Variants in PLPP1 observed in about 807,000 individuals in gnomAD.
PLPP1 encodes lipid phosphate phosphohydrolase 1a.
A neutral mutation model predicts 31.2 loss-of-function variants in PLPP1; 24 were observed. The observed-to-expected ratio is 0.77, with a 90% confidence interval of 0.56 to 1.08. The LOEUF (loss-of-function observed/expected upper bound fraction) is 1.08, where lower values mean the gene tolerates loss of function less well. PLPP1 is among the 50% of genes least tolerant of loss of function. The pLI is 0.00. For missense variants in PLPP1, 319 were observed against 342.7 expected, an observed-to-expected ratio of 0.93 and a Z score of 0.55; for synonymous variants, 146 against 126.3, an observed-to-expected ratio of 1.16 and a Z score of -1.05.
chr5:55,524,466 A>AT (rs1753738831), intron 1 of PLPP1, among the ~76,000 whole-genome samples: 1 of 152,208 alleles, frequency 6.6e-6, no homozygotes, highest in Non-Finnish European at 1.5e-5. Context: ...AGCAATTCAA[A>AT]TAACAGAATT....
chr5:55,474,231 A>T (rs1198779033), intron 2 of PLPP1, among the ~76,000 whole-genome samples: 1 of 152,022 alleles, frequency 6.6e-6, no homozygotes, highest in Non-Finnish European at 1.5e-5. Flanking sequence ...TCCTGATCTC[A>T]GGTGATCTGC....
chr5:55,457,694 G>T (rs535672809), intron 3 of PLPP1, among the ~76,000 whole-genome samples: 16 of 152,234 alleles, frequency 1.1e-4, no homozygotes, highest in Non-Finnish European at 1.6e-4. Flanking sequence ...TTCGAGACCA[G>T]CCTGGCCAAT....
At chr5:55,445,039 C>G (rs539089212) in intron 3 of PLPP1, among the ~76,000 whole-genome samples, 1 of 152,052 alleles carries the variant, frequency 6.6e-6, no homozygotes. Context: ...CGTGAGCCAC[C>G]GCGCCTAGCC....
intron 3 of PLPP1, among the ~76,000 whole-genome samples, chr5:55,458,887 CAAAAAAAAAAAAAAAAAAAAA>C (rs529067608): frequency 4.7e-5 from 1 of 21,098 alleles, no homozygotes; most frequent in Non-Finnish European, 1.4e-4. Context: ...ACCCTGTCTC[CAAAAAAAAAAAAAAAAAAAAA>C]AAAAAAAACA....
At chr5:55,494,181 A>G (rs578025742) in intron 1 of PLPP1, among the ~76,000 whole-genome samples, 34 of 138,320 alleles carry the variant, frequency 2.5e-4, no homozygotes, top group African/African-American at 7.6e-4. Context: ...AACTTCCAGG[A>G]AAAAAAAAAA....
intron 1 of PLPP1, among the ~76,000 whole-genome samples, chr5:55,521,392 C>T (rs1309133835): frequency 6.6e-6 from 1 of 150,876 alleles, no homozygotes; most frequent in African/African-American, 2.5e-5. Flanking sequence ...TGGTGCACAC[C>T]TGCAGTCCTT....
rs138047881 is a variant in PLPP1 at position 55,524,105 on chromosome 5, C to T, written c.58+10467G>A. ...ATACTTTAAAACAACATTGTGCTCACACAATTTTAAAAACAATTTGAGTTT... is the reference window on the plus strand; with the variant it reads ...ATACTTTAAAACAACATTGTGCTCATACAATTTTAAAAACAATTTGAGTTT... On this transcript the variant is annotated intron_variant, in intron 1 of 5. Transcript: ENST00000307259. 3.7e-3 allele frequency among the ~76,000 whole-genome samples: 559 copies of T among 152,250 alleles called. 4 individuals are homozygous for T. The highest frequency in any genetic ancestry group is 0.013 in the African/African-American group (530 of 41,544).
At chr5:55,469,416 G>T (rs1366514594) in intron 2 of PLPP1, among the ~76,000 whole-genome samples, 1 of 151,850 alleles carries the variant, frequency 6.6e-6, no homozygotes, top group African/African-American at 2.4e-5. Context: ...ATTGAACCCA[G>T]GAAGTGGTGG....
intron 1 of PLPP1, among the ~76,000 whole-genome samples, chr5:55,498,789 G>A (rs887210034): frequency 1.3e-5 from 2 of 151,590 alleles, no homozygotes; most frequent in Admixed American, 6.6e-5. Flanking sequence ...TCTTTCTCAC[G>A]CTGTTTTCCA....
chr5:55,486,689 C>A (rs1752782496), intron 1 of PLPP1, among the ~76,000 whole-genome samples: 1 of 151,760 alleles, frequency 6.6e-6, no homozygotes, highest in Non-Finnish European at 1.5e-5. Flanking sequence ...CCGAGGCGGG[C>A]AGATCACGAG....
chr5:55,458,661 G>A (rs1198229849), intron 3 of PLPP1, among the ~76,000 whole-genome samples: 1 of 152,060 alleles, frequency 6.6e-6, no homozygotes, highest in African/African-American at 2.4e-5. Context: ...GCCAAGGTGG[G>A]TGGATCACCT....
chr5:55,450,456 G>A (rs912986854), intron 3 of PLPP1, among the ~76,000 whole-genome samples: 3 of 152,132 alleles, frequency 2.0e-5, no homozygotes, highest in Non-Finnish European at 2.9e-5. Flanking sequence ...GGAGGTTGCT[G>A]AGAATCTTAA....
chr5:55,425,959 G>GGATAC lies in PLPP1; in HGVS notation c.625_629dup (p.Ile211TyrfsTer21). On this transcript the variant is annotated frameshift_variant, in exon 5 of 6. Transcript: ENST00000307259. LOFTEE classifies it high-confidence loss of function. ...AAACTCGAGAAAGGCCCACATAAAT[G>GGATAC]GATACGGCAACAAGACCAAATTGCA... is the stretch of plus-strand genomic sequence containing the variant. The GGATAC allele has an allele frequency of 6.2e-7, 1 of 1,613,900 alleles. No individual in the cohort carries two copies. The highest frequency in any genetic ancestry group is 2.2e-5 in the East Asian group (1 of 44,868).
rs186300241 is a variant in PLPP1 at position 55,440,331 on chromosome 5, C to T, written c.549+1520G>A. On this transcript the variant is annotated intron_variant, in intron 4 of 5. Transcript: ENST00000307259. Reference sequence around the variant, plus strand: ...TCACAGGCCCATGCTCTGGGAAGAGCTCTCAGGATAGTAACGGCTCTAGCT... The same window carrying T: ...TCACAGGCCCATGCTCTGGGAAGAGTTCTCAGGATAGTAACGGCTCTAGCT... Among the ~76,000 whole-genome samples, 18 of 152,330 alleles carry T rather than the reference C, an allele frequency of 1.2e-4. No homozygotes were observed. In the East Asian group the frequency reaches 3.3e-3, roughly 28 times the overall value.
At position 55,534,751 on chromosome 5, in the gene PLPP1, CGGA is replaced by C. The variant is rs932220860; in HGVS notation, c.-125_-123del. On this transcript the variant is annotated 5_prime_UTR_variant, in exon 1 of 6. Coordinates refer to ENST00000307259, the MANE Select transcript of PLPP1 (RefSeq NM_003711.4). ...GCCCCGAGCTACGGCCCCTCCCAGC[CGGA>C]GGAGGAGAGCAGCCGAGGGCGGGCT... The C allele has an allele frequency of 2.8e-6, 3 of 1,079,812 alleles. 1 individual carries two copies. In the African/African-American group the frequency reaches 5.0e-5, roughly 18 times the overall value. The allele number at this position is 1,079,812 out of a possible 1,614,324, so 66.9% of individuals were successfully genotyped here.
At chr5:55,457,523 A>G (rs1361769506) in intron 3 of PLPP1, among the ~76,000 whole-genome samples, 4 of 152,146 alleles carry the variant, frequency 2.6e-5, no homozygotes, top group Non-Finnish European at 4.4e-5. Context: ...CAAAAATATC[A>G]TCAATAAGAA....
intron 1 of PLPP1, among the ~76,000 whole-genome samples, chr5:55,516,703 CA>C (rs761132837): frequency 6.6e-6 from 1 of 152,202 alleles, no homozygotes; most frequent in Non-Finnish European, 1.5e-5. Flanking sequence ...TTCCAATGTC[CA>C]TACTCAAACT....
At position 55,504,461 on chromosome 5, in the gene PLPP1, G is replaced by T. The variant is rs529667783; in HGVS notation, c.59-29011C>A. 1.8e-4 allele frequency among the ~76,000 whole-genome samples: 27 copies of T among 148,390 alleles called. No individual in the cohort carries two copies. The South Asian group carries it at 5.0e-3, about 27-fold the overall frequency. On this transcript the variant is annotated intron_variant, in intron 1 of 5. Coordinates refer to ENST00000307259, the MANE Select transcript of PLPP1 (RefSeq NM_003711.4). The stretch of plus-strand genomic sequence containing the variant: ...AAGCGCTTGAACCCAGGAGATGGAG[G>T]TTGCAGTGAGCCGAGATTGTGCCAC...
intron 1 of PLPP1, among the ~76,000 whole-genome samples, chr5:55,498,016 G>A (rs996040089): frequency 6.6e-6 from 1 of 150,920 alleles, no homozygotes; most frequent in African/African-American, 2.4e-5. Flanking sequence ...AGGGGCAATG[G>A]AAGATAAGCA....
Sources: allele counts gnomAD v4.1 joint callset (sites outside exome capture counted in the v4.1 genomes callset), GRCh38; gene constraint gnomAD v4.1.1; transcripts MANE v1.5; gene names NCBI Gene and HGNC (gene_info 2026-07-23, HGNC 2026-07-21).